The following ZNF599 variants were observed in gnomAD, a reference collection of about 807,000 sequenced individuals.
ZNF599 encodes the protein zinc finger protein 599.
Under a neutral mutation model 11.7 loss-of-function variants are expected in ZNF599, and 10 were observed. The ratio of observed to expected loss-of-function variants is 0.86; its 90% confidence interval spans 0.53 to 1.45. The LOEUF is 1.45. Ranked by LOEUF, ZNF599 falls within the 40% of genes most tolerant of loss-of-function variation. ZNF599 has a pLI of 0.00. For missense variants in ZNF599, 688 were observed against 713.6 expected, an observed-to-expected ratio of 0.96 and a Z score of 0.41; for synonymous variants, 232 against 253.2, an observed-to-expected ratio of 0.92 and a Z score of 0.79.
chr19:34,787,045 G>T, the ZNF599 span, among the ~76,000 whole-genome samples: 1 of 152,144 alleles, frequency 6.6e-6, no homozygotes, highest in Non-Finnish European at 1.5e-5. Context: ...AAACTGTGGG[G>T]CTGGGGCCCA....
At chr19:34,800,881 C>T in the ZNF599 span, among the ~76,000 whole-genome samples, 3 of 152,202 alleles carry the variant, frequency 2.0e-5, no homozygotes, top group African/African-American at 4.8e-5. Flanking sequence ...AGGCGTGAGA[C>T]ACCATGCGCC....
At chr19:34,789,531 T>C in the ZNF599 span, among the ~76,000 whole-genome samples, 1 of 152,238 alleles carries the variant, frequency 6.6e-6, no homozygotes, top group Non-Finnish European at 1.5e-5. Flanking sequence ...TTTCTCTTTT[T>C]GATAACAGCC....
upstream of ZNF599, among the ~76,000 whole-genome samples, chr19:34,773,701 TG>T (rs3217677): frequency 6.6e-6 from 1 of 151,996 alleles, no homozygotes; most frequent in South Asian, 2.1e-4. Flanking sequence ...TCAGGTACTC[TG>T]GGGGGTGGGA....
upstream of ZNF599, among the ~76,000 whole-genome samples, chr19:34,776,212 C>A (rs564774661): frequency 1.2e-4 from 19 of 152,260 alleles, no homozygotes; most frequent in South Asian, 6.2e-4. Context: ...GTAAATGTAA[C>A]TTTAATGTAA....
chr19:34,764,170 T>C (rs567308420), intron 3 of ZNF599: 1 of 152,166 alleles, frequency 6.6e-6, no homozygotes, highest in Non-Finnish European at 1.5e-5. Flanking sequence ...ATTATCATTA[T>C]AGTTGAATTT....
upstream of ZNF599, among the ~76,000 whole-genome samples, chr19:34,774,545 GC>G (rs764258451): frequency 1.6e-4 from 24 of 152,188 alleles, no homozygotes; most frequent in Non-Finnish European, 2.9e-4. Flanking sequence ...AATCACTTCT[GC>G]CTATATTCCA....
upstream of ZNF599, among the ~76,000 whole-genome samples, chr19:34,774,277 C>A (rs2069205992): frequency 1.3e-5 from 2 of 152,246 alleles, no homozygotes; most frequent in South Asian, 4.1e-4. Context: ...CAACCAGGAT[C>A]TGACCCCTCC....
chr19:34,783,296 A>T, the ZNF599 span, among the ~76,000 whole-genome samples: 2 of 152,232 alleles, frequency 1.3e-5, no homozygotes, highest in Non-Finnish European at 2.9e-5. Context: ...AGGAAGAGCA[A>T]AGAGGGAAGC....
the ZNF599 span, chr19:34,779,651 A>G: frequency 2.8e-5 from 9 of 316,912 alleles, no homozygotes; most frequent in Non-Finnish European, 5.0e-5. Flanking sequence ...CCTTTCTCCA[A>G]TGTGGATTTG....
chr19:34,772,808 G>A lies in ZNF599; in HGVS notation c.18+16C>T. ...GGTGACCCGAGCTCGCGCGGGCTGC[G>A]GAACCCTCCACTCACCAACGCCGGC... On this transcript the variant is annotated intron_variant, in intron 1 of 3. Coordinates refer to ENST00000329285, the MANE Select transcript of ZNF599 (RefSeq NM_001007248.3). 2.0e-6 allele frequency: 3 copies of A among 1,533,036 alleles called. No individual in the cohort carries two copies. The South Asian group carries it at 3.6e-5, about 18-fold the overall frequency. The allele number at this position is 1,533,036 out of a possible 1,614,324, so 95.0% of individuals were successfully genotyped here. A position where few individuals can be genotyped will look rare whatever the true frequency, so the allele number is the denominator to read the frequency against.
the ZNF599 span, among the ~76,000 whole-genome samples, chr19:34,800,049 T>C: frequency 6.6e-6 from 1 of 152,258 alleles, no homozygotes; most frequent in Non-Finnish European, 1.5e-5. Flanking sequence ...TGTGCATCTT[T>C]ACATATTTAT....
chr19:34,794,516 C>A, the ZNF599 span, among the ~76,000 whole-genome samples: 1 of 152,114 alleles, frequency 6.6e-6, no homozygotes, highest in Admixed American at 6.5e-5. Flanking sequence ...ACAAGTCCCA[C>A]TGATCTTCGA....
intron 1 of ZNF599, among the ~76,000 whole-genome samples, chr19:34,770,679 G>T (rs2069177629): frequency 6.6e-6 from 1 of 152,196 alleles, no homozygotes; most frequent in South Asian, 2.1e-4. Flanking sequence ...GCAGGCTGTG[G>T]CTCTAAGAAC....
At chr19:34,795,359 C>T in the ZNF599 span, among the ~76,000 whole-genome samples, 702 of 152,310 alleles carry the variant, frequency 4.6e-3, 1 homozygote, top group Non-Finnish European at 6.5e-3. Flanking sequence ...ACTGCTGCCT[C>T]GATCTCTCAG....
At chr19:34,764,455 C>T (rs1358083395) in intron 3 of ZNF599, 1 of 151,972 alleles carries the variant, frequency 6.6e-6, no homozygotes, top group Admixed American at 6.5e-5. Context: ...GGTTTATATC[C>T]AACAAAAAAT....
chr19:34,785,654 C>T, the ZNF599 span, among the ~76,000 whole-genome samples: 1 of 152,182 alleles, frequency 6.6e-6, no homozygotes, highest in Admixed American at 6.5e-5. Context: ...AAAGGCCCTT[C>T]CACTTACCTG....
At chr19:34,802,422 G>T in the ZNF599 span, among the ~76,000 whole-genome samples, 1 of 152,186 alleles carries the variant, frequency 6.6e-6, no homozygotes, top group Non-Finnish European at 1.5e-5. Flanking sequence ...GTGCAGAAAG[G>T]TATGTCCAGG....
chr19:34,777,502 A>G (rs1250268809), upstream of ZNF599, among the ~76,000 whole-genome samples: 2 of 111,510 alleles, frequency 1.8e-5, no homozygotes, highest in South Asian at 2.3e-4. Context: ...GATATATATT[A>G]ATATATTATA....
chr19:34,800,686 C>T, the ZNF599 span, among the ~76,000 whole-genome samples: 2 of 151,484 alleles, frequency 1.3e-5, no homozygotes, highest in Admixed American at 6.6e-5. Flanking sequence ...ACCTCTGCCC[C>T]CCGGGTCCAA....
Sources: allele counts gnomAD v4.1 joint callset (sites outside exome capture counted in the v4.1 genomes callset), GRCh38; gene constraint gnomAD v4.1.1; transcripts MANE v1.5; gene names NCBI Gene and HGNC (gene_info 2026-07-23, HGNC 2026-07-21).